The following ESRRB variants were observed in gnomAD, a reference collection of about 807,000 sequenced individuals.
ESRRB encodes the protein estrogen related receptor beta.
Under a neutral mutation model 46.0 loss-of-function variants are expected in ESRRB, and 16 were observed. The observed-to-expected ratio is 0.35, with a 90% CI of 0.24 to 0.53. ESRRB has a LOEUF of 0.53. ESRRB is among the 20% of genes least tolerant of loss of function. The pLI is 0.93. For missense variants in ESRRB, 488 were observed against 607.4 expected (o/e 0.80, Z 2.07); for synonymous variants, 246 against 259.6 (o/e 0.95, Z 0.50).
At chr14:76,369,157 A>T (rs946231904), upstream of ESRRB, among the ~76,000 whole-genome samples, 2 of 150,506 alleles carry the variant, frequency 1.3e-5, no homozygotes, top group African/African-American at 4.9e-5. Flanking sequence ...AGATGGTGCC[A>T]CTGCACTCCA....
intron 2 of ESRRB, among the ~76,000 whole-genome samples, chr14:76,455,524 T>G (rs1387353292): frequency 1.3e-5 from 2 of 152,182 alleles, no homozygotes; most frequent in Non-Finnish European, 2.9e-5. Flanking sequence ...CTTCTTGACA[T>G]GTCCTTGACT....
chr14:76,459,982 G>A (rs947933915), intron 2 of ESRRB, among the ~76,000 whole-genome samples: 3 of 152,088 alleles, frequency 2.0e-5, no homozygotes, highest in East Asian at 1.9e-4. Context: ...GAGGTGCTCC[G>A]GAAATAGTTT....
chr14:76,325,487 T>C (rs1883919553), intron 1 of ESRRB, among the ~76,000 whole-genome samples: 1 of 152,110 alleles, frequency 6.6e-6, no homozygotes, highest in Non-Finnish European at 1.5e-5. Flanking sequence ...GGGAAACTTA[T>C]ATTGCTGAAG....
At chr14:76,312,056 A>G (rs1883743897) in intron 1 of ESRRB, among the ~76,000 whole-genome samples, 1 of 142,180 alleles carries the variant, frequency 7.0e-6, no homozygotes, top group Admixed American at 7.3e-5. Flanking sequence ...TTTTTTAACC[A>G]TGAGTTTCTA....
At chr14:76,351,986 T>TAAAAAAAAAAAAAAA (rs201356393) in intron 1 of ESRRB, among the ~76,000 whole-genome samples, 16 of 91,776 alleles carry the variant, frequency 1.7e-4, no homozygotes, top group East Asian at 8.9e-4. Context: ...CCCAGTCTCT[T>TAAAAAAAAAAAAAAA]AAAAAAAAAA....
At chr14:76,481,816 A>G (rs908412955) in intron 3 of ESRRB, among the ~76,000 whole-genome samples, 200 bp from the exon 4 acceptor site, 14 of 152,350 alleles carry the variant, frequency 9.2e-5, no homozygotes, top group African/African-American at 3.1e-4. Flanking sequence ...GGCCTGGGGC[A>G]ACGGGATGCG....
At chr14:76,435,961 A>G (rs917524947) in intron 1 of ESRRB, among the ~76,000 whole-genome samples, 4 of 152,238 alleles carry the variant, frequency 2.6e-5, no homozygotes, top group African/African-American at 9.6e-5. Flanking sequence ...CCTGATAGTT[A>G]ATAACGGGCT....
At chr14:76,400,927 A>G (rs1031573254) in intron 1 of ESRRB, among the ~76,000 whole-genome samples, 1 of 152,220 alleles carries the variant, frequency 6.6e-6, no homozygotes, top group Non-Finnish European at 1.5e-5. Context: ...TTTAAGCAGC[A>G]CCGAGAGTGT....
chr14:76,456,038 GCACACACACACA>G (rs60824171), intron 2 of ESRRB, among the ~76,000 whole-genome samples: 28 of 137,292 alleles, frequency 2.0e-4, no homozygotes, highest in African/African-American at 4.3e-4. Flanking sequence ...AGCGAAACTC[GCACACACACACA>G]CACACACACA....
At chr14:76,407,440 C>A in intron 1 of ESRRB, 1 of 664,332 alleles carries the variant, frequency 1.5e-6, no homozygotes, top group Non-Finnish European at 1.9e-6. Context: ...CTGCATCGAG[C>A]AGAGCCACCA....
intron 1 of ESRRB, among the ~76,000 whole-genome samples, chr14:76,396,823 C>A (rs979056788): frequency 4.6e-5 from 7 of 152,218 alleles, no homozygotes; most frequent in African/African-American, 1.7e-4. Context: ...ATGCAGCAGC[C>A]AGGCTCGGCC....
chr14:76,450,845 G>A (rs749167695), intron 2 of ESRRB, among the ~76,000 whole-genome samples: 3 of 152,174 alleles, frequency 2.0e-5, no homozygotes, highest in Non-Finnish European at 4.4e-5. Flanking sequence ...GGCTGACCTT[G>A]GGCAAGCAAG....
chr14:76,420,486 G>A (rs1028173053), intron 1 of ESRRB, among the ~76,000 whole-genome samples: 4 of 151,946 alleles, frequency 2.6e-5, no homozygotes, highest in African/African-American at 4.8e-5. Context: ...TTGCAGTTCC[G>A]ACATTAATGG....
intron 3 of ESRRB, among the ~76,000 whole-genome samples, chr14:76,465,783 C>T (rs909392138): frequency 6.6e-6 from 1 of 152,240 alleles, no homozygotes; most frequent in Non-Finnish European, 1.5e-5. Flanking sequence ...CTCCCTCCCC[C>T]ACTCCCCGCC....
At chr14:76,337,311 G>A (rs1884138995) in intron 1 of ESRRB, among the ~76,000 whole-genome samples, 1 of 152,344 alleles carries the variant, frequency 6.6e-6, no homozygotes, top group African/African-American at 2.4e-5. Flanking sequence ...CTTGGCAGAG[G>A]TAGAGGACTT....
Position 76,422,435 on chromosome 14 carries a change from T to C in ESRRB, c.51-16906T>C, listed in dbSNP as rs566601892. On this transcript the variant is annotated intron_variant, in intron 1 of 6. Transcript: ENST00000644823. ...ACCATGTTGGCCAGGATGGTCTCGA[T>C]CTCCTGACCTCATGATCTGCCTGCC... is the stretch of plus-strand genomic sequence containing the variant. Among the ~76,000 whole-genome samples, 3 of 152,046 alleles carry C rather than the reference T, an allele frequency of 2.0e-5. No homozygotes were observed. The East Asian group carries it at 5.8e-4, about 29-fold the overall frequency.
At chr14:76,393,587 C>T (rs1003677632) in intron 1 of ESRRB, among the ~76,000 whole-genome samples, 35 of 152,106 alleles carry the variant, frequency 2.3e-4, no homozygotes, top group Admixed American at 7.9e-4. Context: ...ACACAGAGGC[C>T]CCTGGCAGTC....
chr14:76,460,709 A>ATTTTTTT lies in ESRRB; in HGVS notation c.461-1833_461-1827dup, dbSNP rs58597850. ...TTCTTCATTTGTACGTTCCAGTTAC[A>ATTTTTTT]TTTTTTTTTGAGACGGAGTTTTGCT... On this transcript the variant is annotated intron_variant, in intron 2 of 6. Coordinates refer to ENST00000644823, the MANE Select transcript of ESRRB (RefSeq NM_001379180.1). Among the ~76,000 whole-genome samples, 212 of 141,642 alleles carry ATTTTTTT rather than the reference A, an allele frequency of 1.5e-3. 4 individuals carry two copies. Among genetic ancestry groups the ATTTTTTT allele is most frequent in the Middle Eastern group, 3.6e-3 (1 of 276 alleles). 92.9% of individuals were successfully genotyped at this position (141,642 alleles called of 152,430 possible). A position where few individuals can be genotyped will look rare whatever the true frequency, so the allele number is the denominator to read the frequency against.
intron 2 of ESRRB, among the ~76,000 whole-genome samples, chr14:76,459,346 G>A (rs891803390): frequency 1.8e-4 from 28 of 152,180 alleles, no homozygotes; most frequent in Non-Finnish European, 1.9e-4. Context: ...GAGGCAGACA[G>A]ATACAACACA....
Sources: allele counts gnomAD v4.1 joint callset (sites outside exome capture counted in the v4.1 genomes callset), GRCh38; gene constraint gnomAD v4.1.1; transcripts MANE v1.5; gene names NCBI Gene and HGNC (gene_info 2026-07-23, HGNC 2026-07-21).